Variants in TRPM3 observed in about 807,000 individuals in gnomAD.
TRPM3 encodes the protein transient receptor potential cation channel subfamily M member 3, also known as long transient receptor potential channel 3.
TRPM3 carries 77 observed loss-of-function variants against 181.2 expected under a neutral mutation model. That is an observed-to-expected ratio of 0.42 (90% CI 0.35 to 0.51). The LOEUF is 0.51. TRPM3 is among the 20% of genes least tolerant of loss of function. The probability of loss-of-function intolerance (pLI) is 0.01; values close to 1 mark genes in which losing one functional copy is unlikely to be tolerated. For missense variants in TRPM3, 1,759 were observed against 2,196.7 expected, an observed-to-expected ratio of 0.80 and a Z score of 3.98; for synonymous variants, 745 against 796.4, an observed-to-expected ratio of 0.94 and a Z score of 1.09.
Position 71,276,806 on chromosome 9 carries a change from G to C in TRPM3, c.183+169847C>G, listed in dbSNP as rs115538964. Among the ~76,000 whole-genome samples the C allele has an allele frequency of 8.8e-3, 1,342 of 152,184 alleles. 27 individuals carry two copies. The highest frequency in any genetic ancestry group is 0.031 in the African/African-American group (1,281 of 41,524). On this transcript the variant is annotated intron_variant, in intron 1 of 24. Coordinates refer to the TRPM3 transcript ENST00000357533. ...ATTCTATTACTAGGTATTAATTCTT[G>C]ACAAATTTTTGCCTATATGTACCAG... is the stretch of plus-strand genomic sequence containing the variant.
chr9:71,403,575 G>A (rs779786149), intron 1 of TRPM3, among the ~76,000 whole-genome samples: 12 of 152,128 alleles, frequency 7.9e-5, no homozygotes, highest in South Asian at 4.2e-4. Flanking sequence ...TCACATTTTC[G>A]TTGACGCTTC....
intron 1 of TRPM3, among the ~76,000 whole-genome samples, chr9:71,047,569 T>C (rs1815818734): frequency 6.6e-6 from 1 of 152,198 alleles, no homozygotes; most frequent in South Asian, 2.1e-4. Flanking sequence ...AGCAAGCCTG[T>C]GGACAGCCCC....
At chr9:71,312,905 G>T (rs2088110409) in intron 1 of TRPM3, among the ~76,000 whole-genome samples, 1 of 152,090 alleles carries the variant, frequency 6.6e-6, no homozygotes, top group African/African-American at 2.4e-5. Context: ...AAGGAGAGAT[G>T]AATAGGCAGA....
At chr9:71,122,538 G>A (rs887137557), upstream of TRPM3, among the ~76,000 whole-genome samples, 1 of 152,120 alleles carries the variant, frequency 6.6e-6, no homozygotes, top group Non-Finnish European at 1.5e-5. Flanking sequence ...TTTTTCCTCT[G>A]TGACCATGCT....
At chr9:70,819,228 T>C (rs1295533714) in intron 6 of TRPM3, among the ~76,000 whole-genome samples, 1 of 152,144 alleles carries the variant, frequency 6.6e-6, no homozygotes, top group African/African-American at 2.4e-5. Flanking sequence ...TCCCATGCCA[T>C]TAATAAGCAC....
intron 1 of TRPM3, among the ~76,000 whole-genome samples, chr9:71,307,784 C>T (rs1378948824): frequency 6.6e-6 from 1 of 152,084 alleles, no homozygotes; most frequent in Non-Finnish European, 1.5e-5. Flanking sequence ...CAGAAAAATG[C>T]TCAATCTCTT....
chr9:71,080,349 A>G (rs185783170), intron 1 of TRPM3, among the ~76,000 whole-genome samples: 1 of 152,144 alleles, frequency 6.6e-6, no homozygotes, highest in East Asian at 1.9e-4. Flanking sequence ...TAGCTTCCGT[A>G]AGCTCCCCAA....
chr9:70,937,846 T>C (rs1227916840), intron 1 of TRPM3, among the ~76,000 whole-genome samples: 3 of 145,840 alleles, frequency 2.1e-5, no homozygotes, highest in Admixed American at 1.4e-4. Context: ...AGACCCTGAC[T>C]AGATATTCAT....
At chr9:70,989,475 G>C (rs1262918748) in intron 1 of TRPM3, among the ~76,000 whole-genome samples, 6 of 152,098 alleles carry the variant, frequency 3.9e-5, no homozygotes, top group Non-Finnish European at 7.4e-5. Context: ...CTTTTAACTT[G>C]GTGAAACAGC....
chr9:71,388,078 A>G (rs1190626381), intron 1 of TRPM3, among the ~76,000 whole-genome samples: 1 of 152,002 alleles, frequency 6.6e-6, no homozygotes, highest in Non-Finnish European at 1.5e-5. Context: ...TTAGTCAGGG[A>G]TTTCTGTGCC....
At chr9:71,270,328 C>T (rs2083696390) in intron 1 of TRPM3, among the ~76,000 whole-genome samples, 3 of 152,030 alleles carry the variant, frequency 2.0e-5, no homozygotes, top group South Asian at 2.1e-4. Context: ...CTAGCCTGGG[C>T]GACAAGAGCG....
chr9:70,695,743 C>T (rs1237160154), intron 8 of TRPM3, among the ~76,000 whole-genome samples: 1 of 152,196 alleles, frequency 6.6e-6, no homozygotes, highest in East Asian at 1.9e-4. Flanking sequence ...ACTTCACAAA[C>T]ATGACTTCAT....
intron 1 of TRPM3, among the ~76,000 whole-genome samples, chr9:71,073,014 C>T (rs1046739037): frequency 5.9e-5 from 9 of 152,166 alleles, no homozygotes; most frequent in East Asian, 1.9e-4. Flanking sequence ...CCATCTTCCC[C>T]GGCCCCTTCC....
intron 1 of TRPM3, among the ~76,000 whole-genome samples, chr9:70,992,150 T>A (rs2097492933): frequency 6.6e-6 from 1 of 152,222 alleles, no homozygotes; most frequent in Non-Finnish European, 1.5e-5. Flanking sequence ...GAGCTCCTTG[T>A]ACCACTTGTG....
intron 22 of TRPM3, among the ~76,000 whole-genome samples, chr9:70,565,303 T>C (rs1401312660): frequency 2.6e-5 from 4 of 152,214 alleles, no homozygotes; most frequent in Non-Finnish European, 5.9e-5. Context: ...TATTTTTATT[T>C]TTTTTTTGAG....
At chr9:71,140,788 A>G (rs901207269) in intron 1 of TRPM3, among the ~76,000 whole-genome samples, 25 of 152,170 alleles carry the variant, frequency 1.6e-4, no homozygotes, top group African/African-American at 5.5e-4. Context: ...TCAGGCAAAT[A>G]CCATATAGTA....
intron 1 of TRPM3, among the ~76,000 whole-genome samples, chr9:70,952,734 C>T (rs2097017700): frequency 6.6e-6 from 1 of 152,020 alleles, no homozygotes; most frequent in Non-Finnish European, 1.5e-5. Context: ...GCTGTAGTGA[C>T]AAAATCTTGT....
chr9:71,089,921 G>A (rs2065920688), intron 1 of TRPM3, among the ~76,000 whole-genome samples: 1 of 152,090 alleles, frequency 6.6e-6, no homozygotes, highest in South Asian at 2.1e-4. Context: ...CTTGGGCCAT[G>A]CATAAAATAC....
intron 1 of TRPM3, among the ~76,000 whole-genome samples, chr9:71,140,574 T>C (rs998297797): frequency 1.4e-4 from 22 of 152,202 alleles, no homozygotes; most frequent in African/African-American, 5.3e-4. Flanking sequence ...ATTTTTACGT[T>C]ACAGTATCTT....
Sources: allele counts gnomAD v4.1 joint callset (sites outside exome capture counted in the v4.1 genomes callset), GRCh38; gene constraint gnomAD v4.1.1; transcripts MANE v1.5; gene names NCBI Gene and HGNC (gene_info 2026-07-23, HGNC 2026-07-21).